The following RPAP1 variants were observed in gnomAD, a reference collection of about 807,000 sequenced individuals.
The protein encoded by RPAP1 is RNA polymerase II associated protein 1.
In RPAP1, 109 loss-of-function variants were observed where a neutral mutation model predicts 142.4. That is an observed-to-expected ratio of 0.77 (90% CI 0.66 to 0.90). RPAP1 has a LOEUF of 0.90. RPAP1 is among the 40% of genes least tolerant of loss of function. The pLI is 0.00. For synonymous variants in RPAP1, 704 were observed against 738.9 expected (o/e 0.95, Z 0.77); for missense variants, 1,546 against 1,751.7 (o/e 0.88, Z 2.10).
chr15:41,531,621 ATATATATT>A (rs2051850222), intron 6 of RPAP1, among the ~76,000 whole-genome samples: 1 of 34,224 alleles, frequency 2.9e-5, no homozygotes, highest in African/African-American at 1.1e-4. Context: ...ATATATATAT[ATATATATT>A]TTTTTTTTTT....
Position 41,521,752 on chromosome 15 carries a change from CCGG to C in RPAP1, c.3021_3023del (p.Phe1007_Arg1008delinsLeu). ...CAAGCACTTACGGGAGGAACTCCAG[CCGG>C]AATACACAGCTCAGCAGCAGCTCAT... On this transcript the variant is annotated inframe_deletion, in exon 21 of 25. Coordinates refer to ENST00000304330, the MANE Select transcript of RPAP1 (RefSeq NM_015540.4). The C allele has an allele frequency of 6.2e-7, 1 of 1,614,074 alleles. No homozygotes were observed. The highest frequency in any genetic ancestry group is 8.5e-7 in the Non-Finnish European group (1 of 1,180,000).
In RPAP1 at chr15:41,537,066, C is replaced by A. The variant is rs144199290; in HGVS notation, c.60G>T (p.Gln20His). The A allele has an allele frequency of 2.3e-4, 372 of 1,614,146 alleles. 1 individual carries two copies. The African/African-American group carries it at 4.7e-3, about 20-fold the overall frequency. ...SEVDLLHFQSQFLAAGAAPAV... is the reference protein window; with the variant it reads ...SEVDLLHFQSHFLAAGAAPAV... ...CTGGGGCTGCACCAGCTGCGAGAAA[C>A]TGACTCTGGAAGTGCAGCAGGTCCA... The change falls in exon 2 of 25, where the codon CAG becomes CAT. Residue 20 changes from glutamine to histidine, a missense_variant. By Grantham distance (24) the Gln-to-His change is conservative. Transcript: ENST00000304330.
At chr15:41,525,447 T>G (rs1452974018) in intron 14 of RPAP1, among the ~76,000 whole-genome samples, 1 of 151,456 alleles carries the variant, frequency 6.6e-6, no homozygotes, top group Non-Finnish European at 1.5e-5. Context: ...CAAGAGACTC[T>G]CCTGCCTCAG....
chr15:41,539,964 C>T (rs1323860033), intron 1 of RPAP1, among the ~76,000 whole-genome samples: 4 of 151,890 alleles, frequency 2.6e-5, no homozygotes, highest in East Asian at 1.9e-4. Flanking sequence ...ACCTGGGAGG[C>T]GGAGGCTGCA....
rs141326717 is a variant in RPAP1, at chr15:41,537,955, T to C, written c.-76-754A>G. Among the ~76,000 whole-genome samples, 478 of 150,550 alleles carry C rather than the reference T, an allele frequency of 3.2e-3. 1 individual carries two copies. The highest frequency in any genetic ancestry group is 5.3e-3 in the South Asian group (25 of 4,730). On this transcript the variant is annotated intron_variant, in intron 1 of 24. Coordinates refer to ENST00000304330, the MANE Select transcript of RPAP1 (RefSeq NM_015540.4). Reference sequence around the variant, plus strand: ...GCAGAAAATGGAATTAAGAAAACAATTGCATTGGCCGGATGCGGTGGCTCA... The same window carrying C: ...GCAGAAAATGGAATTAAGAAAACAACTGCATTGGCCGGATGCGGTGGCTCA...
rs754688410 is a variant in RPAP1, at chr15:41,527,892, G to A, written c.1396C>T (p.Leu466Phe). Residue 466 changes from leucine to phenylalanine, a missense_variant, in exon 11 of 25, where the codon CTT (leucine) becomes TTT (phenylalanine). This residue lies in a region of RPAP1 where 1,333 missense variants were observed against 1,486.6 expected (regional missense o/e 0.90). Coordinates refer to ENST00000304330, the MANE Select transcript of RPAP1 (RefSeq NM_015540.4). Reference sequence around the variant, plus strand: ...CCAGGAGCCACCAGCAGAGCCCGAAGAGCACGGATGGCGGTTGCAATGACC... The same window carrying A: ...CCAGGAGCCACCAGCAGAGCCCGAAAAGCACGGATGGCGGTTGCAATGACC... ...DGVIATAIRA[L>F]RALLVAPGDE... 2 of 1,614,096 alleles carry A rather than the reference G, an allele frequency of 1.2e-6. No homozygotes were observed. The highest frequency in any genetic ancestry group is 1.1e-5 in the South Asian group (1 of 91,084).
chr15:41,535,457 CTA>C, intron 5 of RPAP1, 53 bp downstream of exon 5: 1 of 1,543,768 alleles, frequency 6.5e-7, no homozygotes, highest in African/African-American at 1.4e-5. Flanking sequence ...AAAAATGACC[CTA>C]TGATTGTGTC....
rs2051761104 is a variant in RPAP1, at chr15:41,523,967, G to GA, written c.2239dup (p.Ser747PhefsTer3). The GA allele has an allele frequency of 3.7e-6, 6 of 1,613,228 alleles. No individual in the cohort carries two copies. Among genetic ancestry groups the GA allele is most frequent in the Non-Finnish European group, 5.1e-6 (6 of 1,179,662 alleles). ...GGTGGCCGAGAGGCTGGCCTCAGCA[G>GA]AATCACTACAAAAGTGCCAAAGGGT... On this transcript the variant is annotated frameshift_variant, in exon 17 of 25. Transcript: ENST00000304330. LOFTEE classifies it high-confidence loss of function.
rs1595481445 is a variant in RPAP1, at chr15:41,523,072, G to A, written c.2547-112C>T. On this transcript the variant is annotated intron_variant, in intron 18 of 24. Coordinates refer to ENST00000304330, the MANE Select transcript of RPAP1 (RefSeq NM_015540.4). ...ACGGGGGGCCTGGCTGTGGAGGTCA[G>A]TGCTGCTCACACTCCTCAGAGCCCA... is the stretch of plus-strand genomic sequence containing the variant. The A allele has an allele frequency of 3.9e-6, 4 of 1,021,848 alleles. No individual in the cohort carries two copies. The East Asian group carries it at 1.1e-4, about 29-fold the overall frequency. 63.3% of individuals were successfully genotyped at this position (1,021,848 alleles called of 1,614,324 possible). A position where few individuals can be genotyped will look rare whatever the true frequency, so the allele number is the denominator to read the frequency against.
rs745625696 is a variant in RPAP1 at position 41,529,829 on chromosome 15, C to T, written c.1059+35G>A. 1.5e-5 allele frequency: 22 copies of T among 1,496,420 alleles called. 1 individual carries two copies. The Admixed American group carries it at 4.0e-4, about 27-fold the overall frequency. The allele number at this position is 1,496,420 out of a possible 1,614,324, so 92.7% of individuals were successfully genotyped here. On this transcript the variant is annotated intron_variant, in intron 8 of 24. Transcript: ENST00000304330. ...CAGCAGCTCCTCTCCTGCCCTATCT[C>T]ACCCACCCCTTGTAGGCCAGGTGGC...
At chr15:41,524,051 T>C (rs769695433) in intron 16 of RPAP1, 45 bp downstream of exon 16, 3 of 1,600,794 alleles carry the variant, frequency 1.9e-6, no homozygotes, top group Non-Finnish European at 2.6e-6. Flanking sequence ...CCCAGCCCTG[T>C]GGAGGAGCCC....
chr15:41,536,431 C>T, intron 3 of RPAP1, 70 bp downstream of exon 3: 4 of 1,581,418 alleles, frequency 2.5e-6, no homozygotes, highest in Non-Finnish European at 3.5e-6. Flanking sequence ...ATAAGCCTCA[C>T]CCACCCCGAG....
Position 41,529,345 on chromosome 15 carries a change from C to G in RPAP1, c.1158+125G>C, listed in dbSNP as rs570902913. The G allele has an allele frequency of 2.4e-4, 158 of 657,146 alleles. 1 individual carries two copies. The South Asian group carries it at 2.8e-3, about 12-fold the overall frequency. The allele number at this position is 657,146 out of a possible 1,614,324, so 40.7% of individuals were successfully genotyped here. ...GAGATTCTGTCTCCAAAAAAAGAAA[C>G]TGAATGCACAGCAAAGGCATGAACT... On this transcript the variant is annotated intron_variant, in intron 9 of 24. Coordinates refer to ENST00000304330, the MANE Select transcript of RPAP1 (RefSeq NM_015540.4).
intron 1 of RPAP1, among the ~76,000 whole-genome samples, chr15:41,539,790 C>A (rs2051952658): frequency 6.6e-6 from 1 of 151,996 alleles, no homozygotes; most frequent in Non-Finnish European, 1.5e-5. Flanking sequence ...GTAATCCCAG[C>A]ACTTTGGGAG....
intron 7 of RPAP1, 70 bp downstream of exon 7, chr15:41,530,953 C>T (rs2051840378): frequency 4.8e-6 from 7 of 1,443,328 alleles, no homozygotes; most frequent in Non-Finnish European, 6.6e-6. Flanking sequence ...CTCTCATTTG[C>T]CAGGCCTAGG....
At chr15:41,522,468 G>A (rs1318889158) in intron 19 of RPAP1, 16 of 577,050 alleles carry the variant, frequency 2.8e-5, no homozygotes, top group Admixed American at 2.2e-4. Flanking sequence ...TCAGCTCACC[G>A]CAGCCTCCGC....
intron 1 of RPAP1, 127 bp downstream of exon 1, chr15:41,544,089 AGAG>A (rs1437902573): frequency 6.6e-6 from 1 of 152,334 alleles, no homozygotes; most frequent in East Asian, 1.9e-4. Context: ...ATCTATGCAC[AGAG>A]GAGGCCACAG....
In RPAP1 at chr15:41,535,554, G is replaced by T. The variant is rs754192333; in HGVS notation, c.499C>A (p.Pro167Thr). Residue 167 changes from proline to threonine, a missense_variant, in exon 5 of 25, where the codon CCA (proline) becomes ACA (threonine). Physicochemically the swap from Pro to Thr is conservative, Grantham distance 38 (BLOSUM62 -1). This residue lies in a region of RPAP1 where 1,333 missense variants were observed against 1,486.6 expected (regional missense o/e 0.90). Transcript: ENST00000304330. ...AARRIAEAKG[P>T]SVGEVVPNVG... ...TTGGGCACAACTTCCCCAACTGATG[G>T]GCCCTTGGCTTCAGCTATCCTCCTT... 4 of 1,613,574 alleles carry T rather than the reference G, an allele frequency of 2.5e-6. No homozygotes were observed. Among genetic ancestry groups the T allele is most frequent in the African/African-American group, 1.3e-5 (1 of 74,878 alleles).
At position 41,527,534 on chromosome 15, in the gene RPAP1, G is replaced by C. The variant is rs1443298613; in HGVS notation, c.1500C>G (p.Asp500Glu). The change falls in exon 12 of 25, where the codon GAC (aspartate) becomes GAG (glutamate). Residue 500 changes from aspartate to glutamate, a missense_variant. Physicochemically the swap from Asp to Glu is conservative, Grantham distance 45. Around this residue, in one of 3 missense-constraint regions of RPAP1, gnomAD observed 1,333 missense variants for 1,486.6 expected, o/e 0.90. Transcript: ENST00000304330. ...CTTCATCCTCGTCCTCATCCTCCTT[G>C]TCCTCCTGGCTGGGCATCAGAGGGA... ...LTFPLMPSQE[D>E]KEDEDEDEEC... 1 of 1,613,960 alleles carries C rather than the reference G, an allele frequency of 6.2e-7. No individual in the cohort carries two copies. The highest frequency in any genetic ancestry group is 8.5e-7 in the Non-Finnish European group (1 of 1,180,000).
Sources: gnomAD v4.1 joint callset for allele counts (sites outside exome capture counted in the v4.1 genomes callset) on GRCh38, gnomAD v4.1.1 for gene constraint, gnomAD v4.1.1 regional missense constraint, MANE v1.5 for transcripts, NCBI Gene and HGNC (gene_info 2026-07-23, HGNC 2026-07-21) for gene names.